Variants in PACS1 observed in about 807,000 individuals in gnomAD.
PACS1 encodes the protein PACS-1.
In PACS1, 24 loss-of-function variants were observed where a neutral mutation model predicts 115.0. The observed-to-expected ratio is 0.21, with a 90% CI of 0.15 to 0.29. The LOEUF (loss-of-function observed/expected upper bound fraction) is 0.29. PACS1 is among the 10% of genes least tolerant of loss of function. The probability of loss-of-function intolerance (pLI) is 1.00; values close to 1 mark genes in which losing one functional copy is unlikely to be tolerated. For missense variants in PACS1, 838 were observed against 1,251.2 expected (o/e 0.67, Z 4.98); for synonymous variants, 453 against 504.5 (o/e 0.90, Z 1.37).
At chr11:66,076,357 G>A (rs191407264) in intron 1 of PACS1, among the ~76,000 whole-genome samples, 5 of 152,154 alleles carry the variant, frequency 3.3e-5, no homozygotes, top group South Asian at 2.1e-4. Flanking sequence ...TTAGAGCTGC[G>A]TCTTTTCACT....
chr11:66,197,817 A>T (rs149558978), intron 2 of PACS1, among the ~76,000 whole-genome samples: 1 of 152,298 alleles, frequency 6.6e-6, no homozygotes, highest in Non-Finnish European at 1.5e-5. Context: ...AAAAATAAAT[A>T]AAAAATTCCA....
At chr11:66,145,591 T>G (rs1188873132) in intron 1 of PACS1, among the ~76,000 whole-genome samples, 2 of 152,232 alleles carry the variant, frequency 1.3e-5, no homozygotes, top group Non-Finnish European at 2.9e-5. Context: ...TAGAAGCCTC[T>G]GCACACATGC....
intron 21 of PACS1, 131 bp downstream of exon 21, chr11:66,239,408 A>G: frequency 5.5e-6 from 6 of 1,098,242 alleles, no homozygotes; most frequent in Non-Finnish European, 7.6e-6. Context: ...CTGTGGTCCT[A>G]GCTACTCAGG....
chr11:66,100,705 T>A, intron 1 of PACS1: 1 of 437,038 alleles, frequency 2.3e-6, no homozygotes, highest in Non-Finnish European at 4.6e-6. Context: ...TCAAGTGAGG[T>A]GGGCTGGTTC....
intron 1 of PACS1, among the ~76,000 whole-genome samples, chr11:66,137,030 C>CA (rs1000589172): frequency 3.3e-5 from 5 of 149,444 alleles, no homozygotes; most frequent in African/African-American, 1.2e-4. Flanking sequence ...TTGCCCCCCC[C>CA]CCCACCATTT....
At position 66,216,602 on chromosome 11, in the gene PACS1, G is replaced by A; in HGVS notation, c.888G>A (p.Leu296=). The A allele has an allele frequency of 6.2e-7, 1 of 1,613,830 alleles. No individual in the cohort carries two copies. Among genetic ancestry groups the A allele is most frequent in the Non-Finnish European group, 8.5e-7 (1 of 1,179,674 alleles). Residue 296 remains leucine (L), a synonymous_variant, in exon 6 of 24, where the codon TTG becomes TTA. Coordinates refer to ENST00000320580, the MANE Select transcript of PACS1 (RefSeq NM_018026.4). ...AACAGGAAGGCAGTGATGATCCATTGCATGGGCAGGTAACTTTCTGTGGTC... is the reference window on the plus strand; with the variant it reads ...AACAGGAAGGCAGTGATGATCCATTACATGGGCAGGTAACTTTCTGTGGTC... The part of the protein sequence containing the change: ...SSEQEGSDDP[L]HGQDLFYEDE...
At chr11:66,081,951 A>G (rs1267446435) in intron 1 of PACS1, among the ~76,000 whole-genome samples, 2 of 152,202 alleles carry the variant, frequency 1.3e-5, no homozygotes, top group African/African-American at 4.8e-5. Context: ...ACCTGATAAT[A>G]CATTTGTGGT....
intron 9 of PACS1, 96 bp from the exon 10 acceptor site, chr11:66,221,058 T>A: frequency 8.2e-7 from 1 of 1,216,278 alleles, no homozygotes; most frequent in Non-Finnish European, 1.2e-6. Flanking sequence ...CACCTGTAGC[T>A]TGTTGACCCA....
At chr11:66,095,956 A>C (rs957444451) in intron 1 of PACS1, among the ~76,000 whole-genome samples, 1 of 150,886 alleles carries the variant, frequency 6.6e-6, no homozygotes, top group Non-Finnish European at 1.5e-5. Context: ...AATTTTTGAG[A>C]TAGAGTCTCA....
At chr11:66,223,535 C>A (rs1209954610) in intron 10 of PACS1, among the ~76,000 whole-genome samples, 1 of 152,060 alleles carries the variant, frequency 6.6e-6, no homozygotes, top group African/African-American at 2.4e-5. Flanking sequence ...TGCTGAATGG[C>A]CCTGCTGAAT....
At chr11:66,224,194 T>TC (rs1855420720) in intron 10 of PACS1, among the ~76,000 whole-genome samples, 2 of 25,480 alleles carry the variant, frequency 7.8e-5, no homozygotes, top group Admixed American at 1.1e-3. Flanking sequence ...AGACTCCATC[T>TC]CAAAAAAAAA....
intron 10 of PACS1, among the ~76,000 whole-genome samples, chr11:66,226,567 A>G (rs1181899391): frequency 6.6e-6 from 1 of 152,162 alleles, no homozygotes; most frequent in African/African-American, 2.4e-5. Flanking sequence ...GCCAAGGTGG[A>G]GGAACCCTGG....
rs1230998536 is a variant in PACS1 at position 66,167,042 on chromosome 11, A to G, written c.357-26444A>G. On this transcript the variant is annotated intron_variant, in intron 1 of 23. Coordinates refer to ENST00000320580, the MANE Select transcript of PACS1 (RefSeq NM_018026.4). ...CAGTTGATACTCCCACCAGCAGCAT[A>G]TGAGTTCCCATCGTGCCGCATCTTC... 1.3e-5 allele frequency among the ~76,000 whole-genome samples: 2 copies of G among 150,476 alleles called. 1 individual carries two copies. Among genetic ancestry groups the G allele is most frequent in the African/African-American group, 5.0e-5 (2 of 39,798 alleles).
intron 1 of PACS1, among the ~76,000 whole-genome samples, chr11:66,086,211 C>T (rs1590733762): frequency 6.7e-6 from 1 of 149,206 alleles, no homozygotes; most frequent in African/African-American, 2.5e-5. Flanking sequence ...GATCTCGGCT[C>T]ACTGCAGGCT....
intron 10 of PACS1, among the ~76,000 whole-genome samples, chr11:66,224,382 G>C (rs1456457580): frequency 2.0e-5 from 3 of 152,122 alleles, no homozygotes; most frequent in African/African-American, 7.2e-5. Context: ...TCATCTACAA[G>C]GTACGTGTTA....
intron 2 of PACS1, among the ~76,000 whole-genome samples, chr11:66,208,614 A>G (rs1854997550): frequency 6.6e-6 from 1 of 151,408 alleles, no homozygotes; most frequent in African/African-American, 2.4e-5. Context: ...CAGAAGTTAA[A>G]GACCAGCCTG....
At chr11:66,114,417 C>CAAAAA (rs34972929) in intron 1 of PACS1, among the ~76,000 whole-genome samples, 1 of 132,198 alleles carries the variant, frequency 7.6e-6, no homozygotes, top group Non-Finnish European at 1.6e-5. Flanking sequence ...GACTCCGCCT[C>CAAAAA]AAAAAAAAAA....
At chr11:66,152,961 C>A (rs928720033) in intron 1 of PACS1, among the ~76,000 whole-genome samples, 1 of 152,198 alleles carries the variant, frequency 6.6e-6, no homozygotes, top group Non-Finnish European at 1.5e-5. Context: ...GAGAATTCAT[C>A]ACCAGCAGAC....
In PACS1 at chr11:66,235,886, G is replaced by T; in HGVS notation, c.2208-12G>T. ...CCTACTAACTATGAAGCTCTCCTGT[G>T]TCTCCCAACAGCCCTGATGAAGACT... On this transcript the variant is annotated splice_polypyrimidine_tract_variant and intron_variant, in intron 18 of 23. Transcript: ENST00000320580. The surrounding 1 kb of genome is among the most constrained non-coding windows in gnomAD (Gnocchi z 5.6). 6.2e-7 allele frequency: 1 copy of T among 1,612,344 alleles called. No individual in the cohort carries two copies. The highest frequency in any genetic ancestry group is 1.1e-5 in the South Asian group (1 of 91,050).
Sources: allele counts gnomAD v4.1 joint callset (sites outside exome capture counted in the v4.1 genomes callset), GRCh38; gene constraint gnomAD v4.1.1; non-coding constraint Gnocchi (gnomAD v3.1); transcripts MANE v1.5; gene names NCBI Gene and HGNC (gene_info 2026-07-23, HGNC 2026-07-21).